The following SORCS3 variants were observed in gnomAD, a reference collection of about 807,000 sequenced individuals.
SORCS3 encodes VPS10 domain-containing receptor SorCS3.
In SORCS3, 57 loss-of-function variants were observed where a neutral mutation model predicts 146.3. The ratio of observed to expected loss-of-function variants is 0.39; its 90% CI spans 0.31 to 0.49. The LOEUF (loss-of-function observed/expected upper bound fraction) is 0.49, where lower values mean the gene tolerates loss of function less well. Ranked by LOEUF, SORCS3 falls within the 20% of genes least tolerant of loss-of-function variation. The pLI is 0.92. For synonymous variants in SORCS3, 653 were observed against 618.5 expected, an observed-to-expected ratio of 1.06 and a Z score of -0.83; for missense variants, 1,341 against 1,575.5, an observed-to-expected ratio of 0.85 and a Z score of 2.52.
At chr10:104,661,543 T>C (rs1589449923) in intron 1 of SORCS3, among the ~76,000 whole-genome samples, 1 of 152,144 alleles carries the variant, frequency 6.6e-6, no homozygotes, top group East Asian at 1.9e-4. Context: ...TGTGACTTAG[T>C]TTTGGCTAAG....
chr10:105,056,105 A>G (rs915894075), intron 5 of SORCS3, among the ~76,000 whole-genome samples: 6 of 152,338 alleles, frequency 3.9e-5, no homozygotes, highest in South Asian at 2.1e-4. Flanking sequence ...AGAATCTTGA[A>G]GAATGGTTTG....
At chr10:104,897,488 A>G (rs1276304602) in intron 2 of SORCS3, among the ~76,000 whole-genome samples, 1 of 152,240 alleles carries the variant, frequency 6.6e-6, no homozygotes, top group African/African-American at 2.4e-5. Flanking sequence ...AAGATGCTTC[A>G]AAAGACAATT....
intron 4 of SORCS3, among the ~76,000 whole-genome samples, chr10:105,030,092 A>G (rs1454349525): frequency 6.6e-6 from 1 of 152,224 alleles, no homozygotes; most frequent in Non-Finnish European, 1.5e-5. Flanking sequence ...AAAACAGCCC[A>G]GTTAGTTCAT....
At chr10:104,800,205 A>T (rs1472829652) in intron 1 of SORCS3, among the ~76,000 whole-genome samples, 1 of 151,776 alleles carries the variant, frequency 6.6e-6, no homozygotes, top group East Asian at 1.9e-4. Flanking sequence ...CTACTAAATG[A>T]AAAAGCCAAT....
At chr10:104,737,034 G>T (rs915636872) in intron 1 of SORCS3, among the ~76,000 whole-genome samples, 4 of 151,948 alleles carry the variant, frequency 2.6e-5, no homozygotes, top group African/African-American at 4.8e-5. Flanking sequence ...GCAGTGTTTG[G>T]TTTTTTGTCC....
At chr10:105,082,600 A>G (rs1185324351) in intron 5 of SORCS3, among the ~76,000 whole-genome samples, 1 of 152,222 alleles carries the variant, frequency 6.6e-6, no homozygotes, top group African/African-American at 2.4e-5. Flanking sequence ...GTTTACACAG[A>G]GGGCCTGATC....
At chr10:104,883,281 C>G (rs74155058) in intron 2 of SORCS3, among the ~76,000 whole-genome samples, 2,462 of 152,256 alleles carry the variant, frequency 0.016, 63 homozygotes, top group African/African-American at 0.056. Context: ...GAGGTCTTAA[C>G]AACACCCCTC....
chr10:105,182,230 C>CTTTTTTTT (rs11340368), intron 14 of SORCS3, among the ~76,000 whole-genome samples: 772 of 70,426 alleles, frequency 0.011, 64 homozygotes, highest in East Asian at 0.013. Flanking sequence ...TATTCAGCAT[C>CTTTTTTTT]TTTTTTTTTT....
intron 11 of SORCS3, among the ~76,000 whole-genome samples, chr10:105,162,842 C>A (rs189990867): frequency 2.2e-3 from 329 of 152,280 alleles, no homozygotes; most frequent in African/African-American, 7.6e-3. Flanking sequence ...CTCCTGCCTC[C>A]CTCTTTCTCT....
chr10:104,901,224 T>C (rs1364618731), intron 2 of SORCS3, among the ~76,000 whole-genome samples: 2 of 152,212 alleles, frequency 1.3e-5, no homozygotes, highest in African/African-American at 4.8e-5. Context: ...CATTGCCTGC[T>C]TTAGTTACCA....
intron 19 of SORCS3, among the ~76,000 whole-genome samples, chr10:105,219,853 C>CA (rs976353129): frequency 6.6e-5 from 10 of 152,146 alleles, no homozygotes; most frequent in African/African-American, 2.4e-4. Context: ...ATCTTACTGG[C>CA]AAAAAACACA....
chr10:104,823,674 ATGAGTCAAGTCAAAACTCTTTAACTTGG>A (rs1358973657), intron 1 of SORCS3, among the ~76,000 whole-genome samples: 1 of 152,174 alleles, frequency 6.6e-6, no homozygotes, highest in African/African-American at 2.4e-5. Flanking sequence ...ATGGTATTTA[ATGAGTCAAGTCAAAACTCTTTAACTTGG>A]TGTAGTTGGC....
At chr10:105,124,802 T>C (rs1589645225) in intron 7 of SORCS3, among the ~76,000 whole-genome samples, 1 of 152,148 alleles carries the variant, frequency 6.6e-6, no homozygotes, top group Non-Finnish European at 1.5e-5. Flanking sequence ...CTGTTTCTTC[T>C]GAGAAAAATG....
In SORCS3 at chr10:105,147,815, C is replaced by T. The variant is rs773684646; in HGVS notation, c.1482+19C>T. On this transcript the variant is annotated intron_variant, in intron 9 of 26. Transcript: ENST00000369701. ...GTATGAGGTATGTAGCCAAAATTCT[C>T]CTTCCCTTGGGTCTGTCTCTCTTTT... 1.1e-5 allele frequency: 17 copies of T among 1,600,792 alleles called. No individual in the cohort carries two copies. Among genetic ancestry groups the T allele is most frequent in the Non-Finnish European group, 1.4e-5 (16 of 1,171,834 alleles).
At chr10:104,719,473 T>C (rs1338886135) in intron 1 of SORCS3, among the ~76,000 whole-genome samples, 1 of 152,214 alleles carries the variant, frequency 6.6e-6, no homozygotes, top group Non-Finnish European at 1.5e-5. Flanking sequence ...GACTTCTGTA[T>C]TCATCTGAAA....
chr10:105,256,881 G>A lies in SORCS3; in HGVS notation c.3400G>A (p.Val1134Ile). The change falls in exon 25 of 27, where the codon GTA (valine) becomes ATA (isoleucine). Residue 1134 changes from valine (V) to isoleucine (I), a missense_variant. By Grantham distance (29) the Val-to-Ile change is conservative. Transcript: ENST00000369701. ...AGCCATGCTTATGCTATTATCAGTG[G>A]TATTTGTTGGCCTGGCTGTGTTTTT... Reference protein sequence around the residue: ...SSAMLMLLSVVFVGLAVFLIY... With the variant: ...SSAMLMLLSVIFVGLAVFLIY... The A allele has an allele frequency of 6.2e-7, 1 of 1,614,148 alleles. No homozygotes were observed. Among genetic ancestry groups the A allele is most frequent in the Non-Finnish European group, 8.5e-7 (1 of 1,179,996 alleles).
At chr10:104,759,313 A>AT (rs2017093755) in intron 1 of SORCS3, among the ~76,000 whole-genome samples, 1 of 152,208 alleles carries the variant, frequency 6.6e-6, no homozygotes, top group African/African-American at 2.4e-5. Flanking sequence ...CAGAACTGTG[A>AT]TAAGATAAAT....
chr10:105,072,525 G>T (rs974991904), intron 5 of SORCS3, among the ~76,000 whole-genome samples: 1 of 152,102 alleles, frequency 6.6e-6, no homozygotes, highest in East Asian at 1.9e-4. Flanking sequence ...GAGGCTAACC[G>T]CTCTGTGCCA....
At chr10:104,761,851 G>T (rs1421026974) in intron 1 of SORCS3, among the ~76,000 whole-genome samples, 1 of 152,132 alleles carries the variant, frequency 6.6e-6, no homozygotes, top group Non-Finnish European at 1.5e-5. Flanking sequence ...GGGTTGGGGT[G>T]GTATCTTATC....
Sources: gnomAD v4.1 joint callset for allele counts (sites outside exome capture counted in the v4.1 genomes callset) on GRCh38, gnomAD v4.1.1 for gene constraint, MANE v1.5 for transcripts, NCBI Gene and HGNC (gene_info 2026-07-23, HGNC 2026-07-21) for gene names.